The following RAP1GAP2 variants were observed in gnomAD, a reference collection of about 807,000 sequenced individuals.
RAP1GAP2 encodes the protein rap1 GTPase-activating protein 2.
RAP1GAP2 carries 27 observed loss-of-function variants against 95.0 expected under a neutral mutation model. That is an observed-to-expected ratio of 0.28 (90% confidence interval 0.21 to 0.39). The LOEUF (loss-of-function observed/expected upper bound fraction) is 0.39. RAP1GAP2 is among the 10% of genes least tolerant of loss of function. The pLI, the probability that RAP1GAP2 is intolerant of heterozygous loss-of-function variation, is 1.00. For synonymous variants in RAP1GAP2, 373 were observed against 380.9 expected (o/e 0.98, Z 0.24); for missense variants, 771 against 970.0 (o/e 0.79, Z 2.72).
chr17:2,904,324 A>G lies in RAP1GAP2; in HGVS notation c.81-960A>G, dbSNP rs2042118345. On this transcript the variant is annotated intron_variant, in intron 2 of 24. Coordinates refer to ENST00000254695, the MANE Select transcript of RAP1GAP2 (RefSeq NM_015085.5). This position sits in a 1 kb window ranked among gnomAD's most constrained non-coding sequence, Gnocchi z 4.7. Reference sequence around the variant, plus strand: ...CGTCTGCTTGGTGATGGGACCGCACACAGCACTCCCCGGTCACCAGCGAGG... The same window carrying G: ...CGTCTGCTTGGTGATGGGACCGCACGCAGCACTCCCCGGTCACCAGCGAGG... Among the ~76,000 whole-genome samples, 1 of 152,156 alleles carries G rather than the reference A, an allele frequency of 6.6e-6. No homozygotes were observed. Among genetic ancestry groups the G allele is most frequent in the Non-Finnish European group, 1.5e-5 (1 of 68,028 alleles).
rs1482357730 is a variant in RAP1GAP2 at position 3,008,250 on chromosome 17, C to G, written c.1494+105C>G. On this transcript the variant is annotated intron_variant, in intron 17 of 24. Coordinates refer to ENST00000254695, the MANE Select transcript of RAP1GAP2 (RefSeq NM_015085.5). This position sits in a 1 kb window ranked among gnomAD's most constrained non-coding sequence, Gnocchi z 4.2. ...ACTGATCCCAGAGCCCAAGGGCCAG[C>G]TGGAGGGGTGACAGGAAACGTATGG... The G allele has an allele frequency of 4.0e-6, 6 of 1,506,786 alleles. No individual in the cohort carries two copies. In the African/African-American group the frequency reaches 5.5e-5, roughly 14 times the overall value. The allele number at this position is 1,506,786 out of a possible 1,614,324, so 93.3% of individuals were successfully genotyped here.
chr17:2,995,601 G>A lies in RAP1GAP2; in HGVS notation c.1044+135G>A, dbSNP rs3816274. 15,899 of 1,259,324 alleles carry A rather than the reference G, an allele frequency of 0.013. 1,187 individuals are homozygous for A. In the East Asian group the frequency reaches 0.22, roughly 18 times the overall value. The allele number at this position is 1,259,324 out of a possible 1,614,324, so 78.0% of individuals were successfully genotyped here. ...CGGCCATTCGTTCAGCTGCGCAGCA[G>A]CGTCACAGTCCGTTCTGCTGTGTTT... On this transcript the variant is annotated intron_variant, in intron 13 of 24. Coordinates refer to ENST00000254695, the MANE Select transcript of RAP1GAP2 (RefSeq NM_015085.5).
upstream of RAP1GAP2, among the ~76,000 whole-genome samples, chr17:2,792,259 G>T (rs1018316293): frequency 1.3e-5 from 2 of 152,226 alleles, no homozygotes; most frequent in South Asian, 2.1e-4. Flanking sequence ...AGAGCAGGGG[G>T]TCAAGAAGCT....
chr17:2,770,208 G>A, intron 1 of RAP1GAP2: 1 of 394,184 alleles, frequency 2.5e-6, no homozygotes, highest in Non-Finnish European at 4.5e-6. Context: ...TCTGGCAGAT[G>A]AGCAGGAGGG....
At chr17:2,824,640 T>C (rs2070461678) in intron 2 of RAP1GAP2, among the ~76,000 whole-genome samples, 1 of 146,352 alleles carries the variant, frequency 6.8e-6, no homozygotes, top group Non-Finnish European at 1.5e-5. Context: ...CTCGGGAGGC[T>C]GAGGCAGGAG....
At chr17:3,026,607 G>T (rs971377409) in intron 21 of RAP1GAP2, 143 bp downstream of exon 21, 2 of 799,472 alleles carry the variant, frequency 2.5e-6, no homozygotes, top group Admixed American at 5.7e-5. Context: ...AGGTGGGCTC[G>T]TTGGCCATCA....
Position 2,827,885 on chromosome 17 carries a change from C to T in RAP1GAP2, c.80+27335C>T, listed in dbSNP as rs980436963. 3.3e-5 allele frequency among the ~76,000 whole-genome samples: 5 copies of T among 152,010 alleles called. No individual in the cohort carries two copies. Among genetic ancestry groups the T allele is most frequent in the Admixed American group, 1.3e-4 (2 of 15,256 alleles). On this transcript the variant is annotated intron_variant, in intron 2 of 24. Coordinates refer to ENST00000254695, the MANE Select transcript of RAP1GAP2 (RefSeq NM_015085.5). This position sits in a 1 kb window ranked among gnomAD's most constrained non-coding sequence, Gnocchi z 4.1. ...TCGGTTGCAGCAGGCACGCCAGTGACGGTGGGGGCCCAGGGGGAGCGTGGC... is the reference window on the plus strand; with the variant it reads ...TCGGTTGCAGCAGGCACGCCAGTGATGGTGGGGGCCCAGGGGGAGCGTGGC...
chr17:2,798,057 T>C (rs1438174158), intron 1 of RAP1GAP2, among the ~76,000 whole-genome samples: 1 of 152,226 alleles, frequency 6.6e-6, no homozygotes, highest in African/African-American at 2.4e-5. Flanking sequence ...GGCCTGAGAT[T>C]TGAATCTGGG....
chr17:2,923,326 C>A (rs1400927830), intron 3 of RAP1GAP2, among the ~76,000 whole-genome samples: 1 of 150,166 alleles, frequency 6.7e-6, no homozygotes, highest in Non-Finnish European at 1.5e-5. Flanking sequence ...GTGTGAGCCA[C>A]CGCGCCCGGC....
In RAP1GAP2 at chr17:2,928,459, G is replaced by A. The variant is rs115659615; in HGVS notation, c.165+23091G>A. On this transcript the variant is annotated intron_variant, in intron 3 of 24. Coordinates refer to ENST00000254695, the MANE Select transcript of RAP1GAP2 (RefSeq NM_015085.5). ...GTTGACAGCCTGCGTGTCCGGGGTCGCCTGGGGGTGAGGGTGGGAAGGTGT... is the reference window on the plus strand; with the variant it reads ...GTTGACAGCCTGCGTGTCCGGGGTCACCTGGGGGTGAGGGTGGGAAGGTGT... Among the ~76,000 whole-genome samples, 612 of 152,128 alleles carry A rather than the reference G, an allele frequency of 4.0e-3. 7 individuals carry two copies. The highest frequency in any genetic ancestry group is 0.014 in the African/African-American group (581 of 41,506).
intron 2 of RAP1GAP2, among the ~76,000 whole-genome samples, chr17:2,881,759 G>GT (rs1428964854): frequency 5.3e-5 from 8 of 152,030 alleles, no homozygotes; most frequent in African/African-American, 1.9e-4. Context: ...ATTGTTATCT[G>GT]TTTTTTTGCT....
At chr17:2,992,311 G>A (rs1212225833) in intron 12 of RAP1GAP2, among the ~76,000 whole-genome samples, 13 of 151,740 alleles carry the variant, frequency 8.6e-5, no homozygotes, top group African/African-American at 2.4e-4. Context: ...CAAGGCGCGC[G>A]CCACCATGCC....
At chr17:3,013,170 G>A (rs1300754586) in intron 17 of RAP1GAP2, among the ~76,000 whole-genome samples, 1 of 152,206 alleles carries the variant, frequency 6.6e-6, no homozygotes, top group Non-Finnish European at 1.5e-5. Context: ...TGGCAGGAGG[G>A]GCCACAGCTA....
chr17:2,856,152 A>C (rs1331760400), intron 2 of RAP1GAP2, among the ~76,000 whole-genome samples: 1 of 152,130 alleles, frequency 6.6e-6, no homozygotes, highest in African/African-American at 2.4e-5. Context: ...GGTGGTGAAC[A>C]GGTCAACTCT....
At chr17:2,888,813 G>C (rs995770869) in intron 2 of RAP1GAP2, among the ~76,000 whole-genome samples, 1 of 104,792 alleles carries the variant, frequency 9.5e-6, no homozygotes, top group Non-Finnish European at 1.9e-5. Flanking sequence ...ACCACGCCCA[G>C]CTAATTTTTT....
intron 16 of RAP1GAP2, 41 bp downstream of exon 16, chr17:3,006,082 G>GCTAACAGGTGGCCCAGCA: frequency 1.9e-6 from 3 of 1,543,422 alleles, no homozygotes; most frequent in Non-Finnish European, 2.7e-6. Flanking sequence ...CTGACTGCTG[G>GCTAACAGGTGGCCCAGCA]GCCACCTGTT....
intron 2 of RAP1GAP2, among the ~76,000 whole-genome samples, chr17:2,832,041 T>TA (rs1290292897): frequency 6.6e-6 from 1 of 150,572 alleles, no homozygotes; most frequent in African/African-American, 2.5e-5. Context: ...CTGTCTCTAC[T>TA]AAAAATACAA....
intron 18 of RAP1GAP2, among the ~76,000 whole-genome samples, chr17:3,019,721 C>T (rs1409516799): frequency 6.6e-6 from 1 of 152,188 alleles, no homozygotes; most frequent in Non-Finnish European, 1.5e-5. Context: ...CAGAGCAGGG[C>T]CTCATCTCCA....
At chr17:2,914,848 A>G (rs1244491343) in intron 3 of RAP1GAP2, among the ~76,000 whole-genome samples, 7 of 131,614 alleles carry the variant, frequency 5.3e-5, no homozygotes, top group South Asian at 2.5e-4. Context: ...CTAGAGTGCA[A>G]TGGCGCCATC....
Sources: gnomAD v4.1 joint callset for allele counts (sites outside exome capture counted in the v4.1 genomes callset) on GRCh38, gnomAD v4.1.1 for gene constraint, Gnocchi (gnomAD v3.1) non-coding constraint, MANE v1.5 for transcripts, NCBI Gene and HGNC (gene_info 2026-07-23, HGNC 2026-07-21) for gene names.